Variants in AQP9 observed in about 807,000 individuals in gnomAD.
AQP9 encodes aquaporin-9.
In AQP9, 19 loss-of-function variants were observed where a neutral mutation model predicts 23.8. The observed-to-expected ratio is 0.80, with a 90% CI of 0.56 to 1.17. The LOEUF is 1.17. Among genes scored for constraint, AQP9 ranks in the 50% most tolerant of loss-of-function variants. The pLI, the probability that AQP9 is intolerant of heterozygous loss-of-function variation, is 0.00. For synonymous variants in AQP9, 153 were observed against 131.5 expected (o/e 1.16, Z -1.12); for missense variants, 413 against 362.0 (o/e 1.14, Z -1.14).
intron 1 of AQP9, among the ~76,000 whole-genome samples, chr15:58,144,030 A>C (rs182354780): frequency 2.6e-5 from 4 of 152,354 alleles, no homozygotes; most frequent in Non-Finnish European, 5.9e-5. Context: ...AATTTGAGAG[A>C]GAGAAAAATG....
At chr15:58,179,430 A>T in intron 5 of AQP9, 85 bp downstream of exon 5, 1 of 1,284,720 alleles carries the variant, frequency 7.8e-7, no homozygotes, top group Non-Finnish European at 1.1e-6. Context: ...AGATCCAGGG[A>T]AGTTCAGATG....
chr15:58,174,825 C>G (rs1441250412), intron 3 of AQP9, 93 bp from the exon 4 acceptor site: 1 of 1,036,324 alleles, frequency 9.6e-7, no homozygotes, highest in African/African-American at 1.6e-5. Flanking sequence ...CAAGCTCAAT[C>G]TGAGTGACTG....
At chr15:58,146,268 C>T (rs1230926957) in intron 1 of AQP9, among the ~76,000 whole-genome samples, 1 of 152,006 alleles carries the variant, frequency 6.6e-6, no homozygotes, top group African/African-American at 2.4e-5. Flanking sequence ...TTTTATGCCT[C>T]AACCATTTTT....
intron 1 of AQP9, among the ~76,000 whole-genome samples, chr15:58,158,818 A>C (rs1334306714): frequency 6.6e-6 from 1 of 152,136 alleles, no homozygotes; most frequent in Non-Finnish European, 1.5e-5. Context: ...GGAATCACAG[A>C]CCTCTTGCGG....
At chr15:58,179,107 G>T in intron 4 of AQP9, 21 bp from the exon 5 acceptor site, 1 of 1,559,528 alleles carries the variant, frequency 6.4e-7, no homozygotes, top group African/African-American at 1.4e-5. Context: ...TAAAGCCCTG[G>T]CTCAACTTCT....
intron 1 of AQP9, among the ~76,000 whole-genome samples, chr15:58,160,073 G>A (rs1313149367): frequency 2.6e-5 from 4 of 152,020 alleles, no homozygotes; most frequent in African/African-American, 9.7e-5. Context: ...AGTTTTCTTA[G>A]GAACCTCCAC....
At chr15:58,168,682 C>CA (rs1243357871) in intron 2 of AQP9, among the ~76,000 whole-genome samples, 1 of 152,206 alleles carries the variant, frequency 6.6e-6, no homozygotes, top group Non-Finnish European at 1.5e-5. Context: ...GATTTGTTAG[C>CA]ATGCACAGTG....
In AQP9 at chr15:58,185,016, C is replaced by T. The variant is rs191590580; in HGVS notation, c.*881C>T. On this transcript the variant is annotated 3_prime_UTR_variant, in exon 6 of 6. Transcript: ENST00000219919. ...GTGCTTGTCCATTATTTTACACATGCCCTAGAAGCCAAAACTGAAAGCCAC... is the reference window on the plus strand; with the variant it reads ...GTGCTTGTCCATTATTTTACACATGTCCTAGAAGCCAAAACTGAAAGCCAC... 2 of 152,142 alleles carry T rather than the reference C, an allele frequency of 1.3e-5. No individual in the cohort carries two copies. The highest frequency in any genetic ancestry group is 4.8e-5 in the African/African-American group (2 of 41,408). 9.4% of individuals were successfully genotyped at this position (152,142 alleles called of 1,614,324 possible).
chr15:58,148,520 G>A (rs956915472), intron 1 of AQP9, among the ~76,000 whole-genome samples: 7 of 152,162 alleles, frequency 4.6e-5, no homozygotes, highest in African/African-American at 9.7e-5. Flanking sequence ...GACAAGAGGC[G>A]GCCTTGGCAC....
At chr15:58,173,495 G>T (rs542658814) in intron 3 of AQP9, among the ~76,000 whole-genome samples, 1 of 152,154 alleles carries the variant, frequency 6.6e-6, no homozygotes, top group African/African-American at 2.4e-5. Context: ...TAGGCCAGTG[G>T]CTTCCCCACT....
chr15:58,176,232 G>C (rs1249130043), intron 4 of AQP9, among the ~76,000 whole-genome samples: 2 of 152,142 alleles, frequency 1.3e-5, no homozygotes, highest in Non-Finnish European at 2.9e-5. Context: ...GATATAATTA[G>C]ACAGAGCTGG....
chr15:58,162,945 G>T (rs1327466707), intron 1 of AQP9, among the ~76,000 whole-genome samples: 1 of 152,156 alleles, frequency 6.6e-6, no homozygotes, highest in Non-Finnish European at 1.5e-5. Context: ...CACTAAGTTT[G>T]GGGGTGGTGA....
intron 2 of AQP9, among the ~76,000 whole-genome samples, chr15:58,170,549 C>T (rs567137654): frequency 1.3e-5 from 2 of 151,662 alleles, no homozygotes; most frequent in African/African-American, 2.4e-5. Context: ...GGACTACAGG[C>T]GTATGCCACT....
At chr15:58,161,543 C>G (rs1269545761) in intron 1 of AQP9, among the ~76,000 whole-genome samples, 3 of 152,156 alleles carry the variant, frequency 2.0e-5, no homozygotes, top group African/African-American at 7.2e-5. Flanking sequence ...CTTTCCCTCT[C>G]TCACCAAAAT....
chr15:58,144,373 C>T (rs1898002221), intron 1 of AQP9, among the ~76,000 whole-genome samples: 1 of 152,194 alleles, frequency 6.6e-6, no homozygotes. Context: ...CCAGTTTTGA[C>T]TGTCTATCTT....
At chr15:58,165,139 G>A (rs1362556362) in intron 1 of AQP9, among the ~76,000 whole-genome samples, 7 of 152,078 alleles carry the variant, frequency 4.6e-5, no homozygotes, top group Non-Finnish European at 1.5e-5. Context: ...CCCAACTGGA[G>A]TCCATCTAAT....
intron 1 of AQP9, among the ~76,000 whole-genome samples, chr15:58,147,089 T>C (rs189993437): frequency 6.6e-6 from 1 of 152,308 alleles, no homozygotes; most frequent in East Asian, 1.9e-4. Context: ...ATCACTGATC[T>C]AAGGGCTGCA....
At position 58,175,024 on chromosome 15, in the gene AQP9, A is replaced by T. The variant is rs1436365900; in HGVS notation, c.483A>T (p.Ala161=). ...CTCCGTATCTATCTCTGGCGAACGCATTTGCAGATCAAGTAAGTGTAGATT... is the reference window on the plus strand; with the variant it reads ...CTCCGTATCTATCTCTGGCGAACGCTTTTGCAGATCAAGTAAGTGTAGATT... ...YPAPYLSLAN[A]FADQVVATMI... Residue 161 remains alanine (A), a synonymous_variant, in exon 4 of 6, where the codon GCA becomes GCT. Transcript: ENST00000219919. The T allele has an allele frequency of 6.2e-7, 1 of 1,613,040 alleles. No homozygotes were observed. The highest frequency in any genetic ancestry group is 1.1e-5 in the South Asian group (1 of 91,064).
chr15:58,171,162 A>G (rs1901613431), intron 2 of AQP9, among the ~76,000 whole-genome samples: 1 of 149,920 alleles, frequency 6.7e-6, no homozygotes, highest in Admixed American at 6.7e-5. Flanking sequence ...ATCTCGGCTC[A>G]CTGCAACCTC....
Sources: allele counts gnomAD v4.1 joint callset (sites outside exome capture counted in the v4.1 genomes callset), GRCh38; gene constraint gnomAD v4.1.1; transcripts MANE v1.5; gene names NCBI Gene and HGNC (gene_info 2026-07-23, HGNC 2026-07-21).